The following LTBP2 variants were observed in gnomAD, a reference collection of about 807,000 sequenced individuals.
LTBP2 encodes the protein latent transforming growth factor beta binding protein 2.
A neutral mutation model predicts 210.6 loss-of-function variants in LTBP2; 103 were observed. The observed-to-expected ratio is 0.49, with a 90% CI of 0.42 to 0.58. The LOEUF is 0.58. Ranked by LOEUF, LTBP2 falls within the 20% of genes least tolerant of loss-of-function variation. The pLI, the probability that LTBP2 is intolerant of heterozygous loss-of-function variation, is 0.00. For synonymous variants in LTBP2, 1,007 were observed against 1,015.0 expected, an observed-to-expected ratio of 0.99 and a Z score of 0.15; for missense variants, 2,313 against 2,494.5, an observed-to-expected ratio of 0.93 and a Z score of 1.55.
rs61389041 is a variant in LTBP2 at position 74,506,882 on chromosome 14, C to CGTGT, written c.3908-60_3908-59insACAC. ...GTGTGTGTGTGTGTGTGTGTGTGCG[C>CGTGT]GCGCGCGTGTGTGCTCACTCTCTCA... On this transcript the variant is annotated intron_variant, in intron 26 of 35. Transcript: ENST00000261978. The CGTGT allele has an allele frequency of 9.6e-5, 89 of 927,042 alleles. No homozygotes were observed. In the African/African-American group the frequency reaches 1.1e-3, roughly 12 times the overall value. 57.4% of individuals were successfully genotyped at this position (927,042 alleles called of 1,614,324 possible). A position where few individuals can be genotyped will look rare whatever the true frequency, so the allele number is the denominator to read the frequency against.
At chr14:74,589,845 C>G (rs1211266137) in intron 2 of LTBP2, among the ~76,000 whole-genome samples, 1 of 152,140 alleles carries the variant, frequency 6.6e-6, no homozygotes, top group African/African-American at 2.4e-5. Context: ...TGGACCCACA[C>G]CTCTCTGCCA....
chr14:74,548,725 T>C (rs1156893557), intron 8 of LTBP2, among the ~76,000 whole-genome samples: 1 of 152,220 alleles, frequency 6.6e-6, no homozygotes, highest in Non-Finnish European at 1.5e-5. Context: ...GTAATAGCCA[T>C]GGTTTATTGA....
At chr14:74,506,853 ATGTGTGTG>A in intron 26 of LTBP2, 30 bp from the exon 27 acceptor site, 6 of 1,567,992 alleles carry the variant, frequency 3.8e-6, no homozygotes, top group Admixed American at 1.7e-5. Context: ...AGGATAGAGG[ATGTGTGTG>A]TGTGTGTGTG....
chr14:74,599,224 A>G (rs2088411718), intron 2 of LTBP2, among the ~76,000 whole-genome samples: 1 of 152,232 alleles, frequency 6.6e-6, no homozygotes, highest in Admixed American at 6.5e-5. Context: ...ATCTGGTGCC[A>G]GAATCCAAAG....
intron 3 of LTBP2, among the ~76,000 whole-genome samples, chr14:74,575,709 T>C (rs2088048661): frequency 6.6e-6 from 1 of 152,170 alleles, no homozygotes; most frequent in South Asian, 2.1e-4. Context: ...CCCATCCACA[T>C]TTCTAGAACC....
At chr14:74,594,299 G>A (rs892294289) in intron 2 of LTBP2, among the ~76,000 whole-genome samples, 2 of 152,132 alleles carry the variant, frequency 1.3e-5, no homozygotes, top group African/African-American at 2.4e-5. Context: ...TGACCCGTTA[G>A]ATAGAGGAGG....
chr14:74,610,350 G>C (rs908313153), intron 1 of LTBP2, among the ~76,000 whole-genome samples: 1 of 152,248 alleles, frequency 6.6e-6, no homozygotes, highest in Non-Finnish European at 1.5e-5. Context: ...TGAAATATGA[G>C]AAGAGCGCTC....
At chr14:74,570,018 G>C (rs985092077) in intron 3 of LTBP2, among the ~76,000 whole-genome samples, 1 of 152,174 alleles carries the variant, frequency 6.6e-6, no homozygotes, top group Non-Finnish European at 1.5e-5. Flanking sequence ...AACCAGAAGT[G>C]GCTGGAGAGC....
Position 74,509,366 on chromosome 14 carries a change from GCAGA to G in LTBP2, c.3278-7_3278-4del. On this transcript the variant is annotated splice_polypyrimidine_tract_variant and splice_region_variant and intron_variant, in intron 21 of 35. Coordinates refer to ENST00000261978, the MANE Select transcript of LTBP2 (RefSeq NM_000428.3). ...CGGGAAGGCACACTCATCTAGGTCT[GCAGA>G]CAGACAGCGCTCGCCCGGGGACCTA... is the stretch of plus-strand genomic sequence containing the variant. 1 of 1,613,274 alleles carries G rather than the reference GCAGA, an allele frequency of 6.2e-7. No individual in the cohort carries two copies. The highest frequency in any genetic ancestry group is 8.5e-7 in the Non-Finnish European group (1 of 1,179,944).
chr14:74,552,819 A>G (rs1219640102), intron 5 of LTBP2, 73 bp downstream of exon 5: 26 of 1,543,018 alleles, frequency 1.7e-5, no homozygotes, highest in Non-Finnish European at 2.3e-5. Flanking sequence ...CTCCAGTCCA[A>G]GGCAGGCCTG....
chr14:74,506,920 C>A (rs1047537583), intron 26 of LTBP2, 97 bp from the exon 27 acceptor site: 5 of 1,559,890 alleles, frequency 3.2e-6, no homozygotes, highest in Non-Finnish European at 4.3e-6. Flanking sequence ...CGCATGCACA[C>A]TCTCTCGTTC....
chr14:74,611,894 G>T lies in LTBP2; in HGVS notation c.51C>A (p.Pro17=), dbSNP rs1362856899. ...ARSPGRALRN[P]WRGFLPLTLA... ...GGGTGAGCGGCAGGAAGCCTCTCCA[G>T]GGGTTCCGCAGGGCGCGCCCCGGGC... The change falls in exon 1 of 36, where the codon CCC becomes CCA. Residue 17 remains proline (P), a synonymous_variant. Transcript: ENST00000261978. 1 of 1,603,054 alleles carries T rather than the reference G, an allele frequency of 6.2e-7. No homozygotes were observed. The highest frequency in any genetic ancestry group is 1.7e-5 in the Admixed American group (1 of 59,534).
At chr14:74,557,652 T>C (rs1443642914) in intron 3 of LTBP2, among the ~76,000 whole-genome samples, 2 of 152,212 alleles carry the variant, frequency 1.3e-5, no homozygotes, top group Middle Eastern at 3.2e-3. Context: ...TGTTTATTAT[T>C]GGGCAGGCTG....
At chr14:74,597,856 T>A (rs2088389846) in intron 2 of LTBP2, among the ~76,000 whole-genome samples, 1 of 152,198 alleles carries the variant, frequency 6.6e-6, no homozygotes, top group Admixed American at 6.5e-5. Flanking sequence ...GAGACTTTCC[T>A]GGCTCCTGGT....
At chr14:74,564,531 AC>A (rs1350012413) in intron 3 of LTBP2, among the ~76,000 whole-genome samples, 2 of 147,148 alleles carry the variant, frequency 1.4e-5, no homozygotes, top group Admixed American at 7.1e-5. Flanking sequence ...AGTAGCTGGG[AC>A]TACAGGTGCT....
Position 74,509,256 on chromosome 14 carries a change from G to A in LTBP2, c.3385C>T (p.Leu1129=). The A allele has an allele frequency of 6.2e-7, 1 of 1,613,646 alleles. No homozygotes were observed. The highest frequency in any genetic ancestry group is 1.3e-5 in the African/African-American group (1 of 75,058). The change falls in exon 22 of 36, where the codon CTG becomes TTG. Residue 1129 remains leucine, a synonymous_variant. Coordinates refer to ENST00000261978, the MANE Select transcript of LTBP2 (RefSeq NM_000428.3). The stretch of plus-strand genomic sequence containing the variant: ...CTCATACCTTCACAGGAGTCACCCA[G>A]GGGGCTGGGCCGGTAGCCCCCATCG... ...DCDGGYRPSP[L]GDSCEDVDEC...
intron 3 of LTBP2, among the ~76,000 whole-genome samples, chr14:74,556,252 G>T (rs2087727283): frequency 6.6e-6 from 1 of 152,190 alleles, no homozygotes; most frequent in African/African-American, 2.4e-5. Flanking sequence ...AGAAAAACAT[G>T]AATTCATCAT....
intron 3 of LTBP2, among the ~76,000 whole-genome samples, chr14:74,562,017 C>T (rs1048768983): frequency 2.6e-5 from 4 of 152,066 alleles, no homozygotes; most frequent in African/African-American, 9.7e-5. Flanking sequence ...TGAGACCAGC[C>T]TGGCCAACAT....
chr14:74,509,513 C>T, intron 21 of LTBP2, 150 bp from the exon 22 acceptor site: 1 of 1,249,612 alleles, frequency 8.0e-7, no homozygotes, highest in Non-Finnish European at 1.1e-6. Context: ...CTGCCCTCAG[C>T]TTCCCTCTTC....
Sources: allele counts gnomAD v4.1 joint callset (sites outside exome capture counted in the v4.1 genomes callset), GRCh38; gene constraint gnomAD v4.1.1; transcripts MANE v1.5; gene names NCBI Gene and HGNC (gene_info 2026-07-23, HGNC 2026-07-21).